Variants in NAV3 observed in about 807,000 individuals in gnomAD.
The protein encoded by NAV3 is neuron navigator 3, also known as pore membrane and/or filament interacting like protein 1.
In NAV3, 87 loss-of-function variants were observed where a neutral mutation model predicts 244.7. That is an observed-to-expected ratio of 0.36 (90% CI 0.30 to 0.42). The LOEUF (loss-of-function observed/expected upper bound fraction) is 0.42. NAV3 is among the 20% of genes least tolerant of loss of function. The pLI, the probability that NAV3 is intolerant of heterozygous loss-of-function variation, is 1.00. For missense variants in NAV3, 2,663 were observed against 2,893.3 expected (o/e 0.92, Z 1.83); for synonymous variants, 1,126 against 1,042.2 (o/e 1.08, Z -1.55).
chr12:77,656,063 A>C (rs960184050), intron 2 of NAV3, among the ~76,000 whole-genome samples: 2 of 151,584 alleles, frequency 1.3e-5, no homozygotes, highest in Non-Finnish European at 2.9e-5. Context: ...CGAGCAGAAT[A>C]ACCAGCTTAC....
At chr12:77,842,218 G>A (rs1363960984) in intron 1 of NAV3, among the ~76,000 whole-genome samples, 1 of 152,100 alleles carries the variant, frequency 6.6e-6, no homozygotes, top group African/African-American at 2.4e-5. Context: ...AGTTAACCCA[G>A]CTTTTAAAAG....
chr12:77,670,523 A>C (rs1414125604), intron 2 of NAV3, among the ~76,000 whole-genome samples: 1 of 152,196 alleles, frequency 6.6e-6, no homozygotes, highest in Non-Finnish European at 1.5e-5. Context: ...ATGAACATAG[A>C]TGCAAAAATC....
chr12:77,727,643 A>G (rs1876937276), intron 2 of NAV3, among the ~76,000 whole-genome samples: 1 of 151,988 alleles, frequency 6.6e-6, no homozygotes, highest in Non-Finnish European at 1.5e-5. Context: ...TAGAAGTGTG[A>G]TATGACAGGG....
chr12:78,038,325 T>C (rs554557327), intron 9 of NAV3, among the ~76,000 whole-genome samples: 2 of 152,354 alleles, frequency 1.3e-5, no homozygotes, highest in Admixed American at 6.5e-5. Context: ...CACAAAGGGC[T>C]TCATATTGGC....
In NAV3 at chr12:77,964,666, C is replaced by T. The variant is rs115605363; in HGVS notation, c.415-1563C>T. Among the ~76,000 whole-genome samples the T allele has an allele frequency of 3.4e-3, 512 of 152,126 alleles. 3 individuals carry two copies. Among genetic ancestry groups the T allele is most frequent in the African/African-American group, 0.012 (485 of 41,508 alleles). ...ATTAATATATATTTCAGCACTGTCG[C>T]CTCATTGGATATTCAGATGGTGATC... On this transcript the variant is annotated intron_variant, in intron 3 of 39. Transcript: ENST00000397909.
rs541335122 is a variant in NAV3, at chr12:78,013,552, G to T, written c.1907+6107G>T. Among the ~76,000 whole-genome samples the T allele has an allele frequency of 1.5e-3, 234 of 152,150 alleles. 2 individuals carry two copies. The highest frequency in any genetic ancestry group is 5.3e-3 in the African/African-American group (221 of 41,540). ...GTCGGCAAGTAGGTCAGTTTCTCTT[G>T]AACATTGAAGATTGATTGGAGCCTG... is the stretch of plus-strand genomic sequence containing the variant. On this transcript the variant is annotated intron_variant, in intron 8 of 39. Coordinates refer to ENST00000397909, the MANE Select transcript of NAV3 (RefSeq NM_001024383.2).
rs2138569661 is a variant in NAV3 at position 78,118,163 on chromosome 12, C to T, written c.2906C>T (p.Pro969Leu). The T allele has an allele frequency of 6.2e-7, 1 of 1,614,042 alleles. No individual in the cohort carries two copies. The highest frequency in any genetic ancestry group is 1.7e-5 in the Admixed American group (1 of 60,018). ...GKWKTVSSGL[P>L]EDPEKAGQKA... ...TGGAAGACTGTGTCCTCTGGACTTC[C>T]TGAAGACCCCGAGAAGGCAGGGCAG... The change falls in exon 14 of 40, where the codon CCT becomes CTT. Residue 969 changes from proline to leucine, a missense_variant. Physicochemically the swap from Pro to Leu is moderately conservative, Grantham distance 98. This residue lies in a region of NAV3 where 1,521 missense variants were observed against 1,497.0 expected (regional missense o/e 1.02). Coordinates refer to ENST00000397909, the MANE Select transcript of NAV3 (RefSeq NM_001024383.2).
intron 34 of NAV3, among the ~76,000 whole-genome samples, chr12:78,194,823 C>A (rs975302654): frequency 6.6e-6 from 1 of 151,966 alleles, no homozygotes; most frequent in Non-Finnish European, 1.5e-5. Context: ...TTGGAAAGCT[C>A]TTCTGTTGTG....
At chr12:77,613,667 G>A (rs1053584680) in intron 2 of NAV3, among the ~76,000 whole-genome samples, 46 of 152,204 alleles carry the variant, frequency 3.0e-4, no homozygotes, top group African/African-American at 9.4e-4. Context: ...CAGTGTTTGT[G>A]GGTGAGGCTG....
intron 5 of NAV3, among the ~76,000 whole-genome samples, chr12:77,971,543 T>C (rs1892996050): frequency 2.0e-5 from 3 of 152,126 alleles, no homozygotes; most frequent in Non-Finnish European, 4.4e-5. Context: ...TAGCAATCAA[T>C]ATTTTAAAGC....
At chr12:78,171,616 A>G (rs980697418) in intron 24 of NAV3, among the ~76,000 whole-genome samples, 24 of 151,634 alleles carry the variant, frequency 1.6e-4, no homozygotes, top group African/African-American at 5.6e-4. Context: ...TCAGCATTAA[A>G]TTTAATGAAC....
At chr12:77,821,660 A>T (rs932441850) in intron 2 of NAV3, among the ~76,000 whole-genome samples, 10 of 152,290 alleles carry the variant, frequency 6.6e-5, no homozygotes, top group Admixed American at 3.3e-4. Flanking sequence ...ATTTGTATAT[A>T]AGCTTCAAAA....
At chr12:78,067,999 AGAGGAGGAAT>A (rs922339723) in intron 12 of NAV3, among the ~76,000 whole-genome samples, 1 of 152,012 alleles carries the variant, frequency 6.6e-6, no homozygotes, top group Non-Finnish European at 1.5e-5. Flanking sequence ...AGGAGGAGGA[AGAGGAGGAAT>A]GAGGAGGAAA....
chr12:78,176,283 C>T (rs150220024), intron 25 of NAV3, among the ~76,000 whole-genome samples, 156 bp from the exon 26 acceptor site: 22 of 151,854 alleles, frequency 1.4e-4, no homozygotes, highest in African/African-American at 5.3e-4. Context: ...GAAATCCAGA[C>T]ATAATTATCA....
chr12:77,778,471 G>A (rs1263645053), intron 2 of NAV3, among the ~76,000 whole-genome samples: 1 of 151,656 alleles, frequency 6.6e-6, no homozygotes, highest in Non-Finnish European at 1.5e-5. Context: ...AATTAGCCAG[G>A]CATGGTGGCG....
intron 5 of NAV3, among the ~76,000 whole-genome samples, chr12:77,982,846 G>A (rs1328961744): frequency 1.3e-5 from 2 of 152,130 alleles, no homozygotes; most frequent in African/African-American, 4.8e-5. Flanking sequence ...TCACTCACAG[G>A]TCTAGCAGCT....
rs1485325237 is a variant in NAV3 at position 77,982,268 on chromosome 12, G to A, written c.672-12535G>A. ...ATCCTTTATATGTTACATTAGAGCCGTGTGTTCTTTTCCACTGGTGATTTG... is the reference window on the plus strand; with the variant it reads ...ATCCTTTATATGTTACATTAGAGCCATGTGTTCTTTTCCACTGGTGATTTG... On this transcript the variant is annotated intron_variant, in intron 5 of 39. Transcript: ENST00000397909. 8.1e-5 allele frequency among the ~76,000 whole-genome samples: 5 copies of A among 61,528 alleles called. 1 individual carries two copies. The highest frequency in any genetic ancestry group is 4.0e-4 in the Admixed American group (2 of 5,042). 40.4% of individuals were successfully genotyped at this position (61,528 alleles called of 152,430 possible).
intron 2 of NAV3, among the ~76,000 whole-genome samples, chr12:77,756,630 G>A (rs1420860875): frequency 6.6e-6 from 1 of 152,082 alleles, no homozygotes; most frequent in East Asian, 1.9e-4. Context: ...AAGATTATTA[G>A]TTGACTTTCT....
intron 11 of NAV3, among the ~76,000 whole-genome samples, chr12:78,051,490 AT>A (rs750850082): frequency 4.6e-4 from 69 of 149,552 alleles, no homozygotes; most frequent in Non-Finnish European, 7.0e-4. Context: ...GATTTGCTTG[AT>A]TTTTTTTTTC....
Sources: allele counts gnomAD v4.1 joint callset (sites outside exome capture counted in the v4.1 genomes callset), GRCh38; gene constraint gnomAD v4.1.1; regional missense constraint gnomAD v4.1.1; transcripts MANE v1.5; gene names NCBI Gene and HGNC (gene_info 2026-07-23, HGNC 2026-07-21).